The following STK32A variants were observed in gnomAD, a reference collection of about 807,000 sequenced individuals.
The protein encoded by STK32A is serine/threonine-protein kinase 32A.
A neutral mutation model predicts 53.2 loss-of-function variants in STK32A; 41 were observed. The observed-to-expected ratio is 0.77, with a 90% confidence interval of 0.60 to 1.00. The LOEUF is 1.00. Among genes scored for constraint, STK32A ranks in the 50% least tolerant of loss-of-function variants. The pLI, the probability that STK32A is intolerant of heterozygous loss-of-function variation, is 0.00. For synonymous variants in STK32A, 166 were observed against 162.8 expected, an observed-to-expected ratio of 1.02 and a Z score of -0.15; for missense variants, 458 against 485.8, an observed-to-expected ratio of 0.94 and a Z score of 0.54.
intron 9 of STK32A, among the ~76,000 whole-genome samples, chr5:147,372,059 T>C (rs745956667): frequency 1.8e-4 from 28 of 152,246 alleles, no homozygotes; most frequent in Non-Finnish European, 3.5e-4. Flanking sequence ...GTCTGACATG[T>C]GTTACCATTG....
At chr5:147,381,893 G>T (rs1757467697) in intron 11 of STK32A, among the ~76,000 whole-genome samples, 1 of 152,072 alleles carries the variant, frequency 6.6e-6, no homozygotes, top group Admixed American at 6.6e-5. Context: ...TGGCTTCCCT[G>T]GGCCACGTTG....
intron 5 of STK32A, among the ~76,000 whole-genome samples, chr5:147,335,310 A>G (rs768566676): frequency 6.6e-6 from 1 of 152,120 alleles, no homozygotes; most frequent in South Asian, 2.1e-4. Flanking sequence ...CCAACAGAAA[A>G]CCTCATAATG....
chr5:147,287,708 T>G (rs190597872), intron 4 of STK32A, among the ~76,000 whole-genome samples: 51 of 152,236 alleles, frequency 3.4e-4, no homozygotes, highest in African/African-American at 1.2e-3. Flanking sequence ...CTAAAATGGA[T>G]GCAGCTCTTT....
intron 2 of STK32A, among the ~76,000 whole-genome samples, chr5:147,240,589 C>T (rs1317605586): frequency 1.3e-5 from 2 of 152,206 alleles, no homozygotes; most frequent in Non-Finnish European, 2.9e-5. Context: ...AGATAGGTTC[C>T]TTCCCACTCA....
At chr5:147,242,009 A>T (rs1448543030) in intron 2 of STK32A, among the ~76,000 whole-genome samples, 1 of 152,208 alleles carries the variant, frequency 6.6e-6, no homozygotes, top group East Asian at 1.9e-4. Flanking sequence ...TAACCAAAGA[A>T]TTGTGACAAT....
At chr5:147,331,253 A>T (rs563961912) in intron 5 of STK32A, among the ~76,000 whole-genome samples, 1 of 152,202 alleles carries the variant, frequency 6.6e-6, no homozygotes. Context: ...TTAATGACTT[A>T]ATAGGAGCTA....
chr5:147,399,023 G>A, the STK32A span: 1 of 1,583,220 alleles, frequency 6.3e-7, no homozygotes, highest in East Asian at 2.2e-5. Flanking sequence ...CATTTCTCCT[G>A]ACCAAGTTCC....
the STK32A span, among the ~76,000 whole-genome samples, chr5:147,399,448 C>T: frequency 6.6e-6 from 1 of 151,574 alleles, no homozygotes; most frequent in African/African-American, 2.4e-5. Context: ...GTAAAATGGT[C>T]AAACACATGG....
In STK32A at chr5:147,383,834, C is replaced by T. The variant is rs1008817666; in HGVS notation, c.1098-56C>T. 8 of 1,325,794 alleles carry T rather than the reference C, an allele frequency of 6.0e-6. No individual in the cohort carries two copies. The South Asian group carries it at 9.8e-5, about 16-fold the overall frequency. The allele number at this position is 1,325,794 out of a possible 1,614,324, so 82.1% of individuals were successfully genotyped here. A position where few individuals can be genotyped will look rare whatever the true frequency, so the allele number is the denominator to read the frequency against. On this transcript the variant is annotated intron_variant, in intron 12 of 12. Transcript: ENST00000397936. The stretch of plus-strand genomic sequence containing the variant: ...CTTAATATTATTTCAAAAGCTTAAA[C>T]CTTTCATTTTATTTTTCAAAGAATA...
At chr5:147,374,955 A>T (rs1010201862) in intron 10 of STK32A, 135 bp from the exon 11 acceptor site, 1 of 654,152 alleles carries the variant, frequency 1.5e-6, no homozygotes, top group African/African-American at 1.9e-5. Flanking sequence ...ATAACGTAAA[A>T]CTTAGAGTGG....
At chr5:147,393,581 C>T in the STK32A span, 1 of 165,810 alleles carries the variant, frequency 6.0e-6, no homozygotes, top group African/African-American at 2.4e-5. Context: ...CTGACCCACC[C>T]ACCTCCCTCC....
At position 147,373,208 on chromosome 5, in the gene STK32A, T is replaced by A. The variant is rs1320452271; in HGVS notation, c.817T>A (p.Ser273Thr). The A allele has an allele frequency of 1.2e-6, 2 of 1,613,512 alleles. No individual in the cohort carries two copies. Among genetic ancestry groups the A allele is most frequent in the Admixed American group, 3.3e-5 (2 of 59,986 alleles). ...TCCAGACCAACGATTTTCTCAGTTA[T>A]CTGATGTCCAGAACTTCCCGTATAT... is the stretch of plus-strand genomic sequence containing the variant. ...PNPDQRFSQL[S>T]DVQNFPYMND... The change falls in exon 10 of 13, where the codon TCT becomes ACT. Residue 273 changes from serine (S) to threonine (T), a missense_variant. Transcript: ENST00000397936.
chr5:147,373,067 T>G, intron 9 of STK32A, 102 bp from the exon 10 acceptor site: 1 of 1,416,786 alleles, frequency 7.1e-7, no homozygotes, highest in Non-Finnish European at 9.7e-7. Context: ...CTGTCTATTT[T>G]CCTTCAGTCC....
chr5:147,310,783 ATGT>A (rs1232998653), intron 4 of STK32A, among the ~76,000 whole-genome samples: 4 of 151,928 alleles, frequency 2.6e-5, no homozygotes, highest in African/African-American at 9.7e-5. Context: ...GGAGAGCAAA[ATGT>A]TGTTATTCCC....
At chr5:147,376,920 C>T (rs1019016452) in intron 11 of STK32A, among the ~76,000 whole-genome samples, 5 of 152,104 alleles carry the variant, frequency 3.3e-5, no homozygotes, top group Admixed American at 3.3e-4. Context: ...GCCAGCATTA[C>T]CCTGATACCA....
At chr5:147,367,446 T>C (rs1166306772) in intron 8 of STK32A, among the ~76,000 whole-genome samples, 1 of 152,168 alleles carries the variant, frequency 6.6e-6, no homozygotes, top group Non-Finnish European at 1.5e-5. Context: ...AAACAGGCTT[T>C]GTGTGAGCAA....
Position 147,384,308 on chromosome 5 carries a change from C to T in STK32A, c.*325C>T, listed in dbSNP as rs1757567317. On this transcript the variant is annotated 3_prime_UTR_variant, in exon 13 of 13. Coordinates refer to ENST00000397936, the MANE Select transcript of STK32A (RefSeq NM_001112724.2). ...TGCTATAGTTGTTATTCTAAACCGC[C>T]TTTATTTTTATTTTAAAATTAATAT... The T allele has an allele frequency of 2.1e-6, 3 of 1,414,178 alleles. No individual in the cohort carries two copies. The highest frequency in any genetic ancestry group is 2.8e-6 in the Non-Finnish European group (3 of 1,067,750). The allele number at this position is 1,414,178 out of a possible 1,614,324, so 87.6% of individuals were successfully genotyped here.
intron 2 of STK32A, among the ~76,000 whole-genome samples, chr5:147,242,125 A>T (rs1325898477): frequency 6.6e-6 from 1 of 152,190 alleles, no homozygotes; most frequent in Non-Finnish European, 1.5e-5. Flanking sequence ...AACACCCTCT[A>T]GGTCACCACC....
intron 4 of STK32A, among the ~76,000 whole-genome samples, chr5:147,298,238 G>A (rs553534419): frequency 6.6e-6 from 1 of 152,264 alleles, no homozygotes; most frequent in Admixed American, 6.5e-5. Flanking sequence ...AGGTGAAAGA[G>A]AAAACCTCCA....
Sources: allele counts gnomAD v4.1 joint callset (sites outside exome capture counted in the v4.1 genomes callset), GRCh38; gene constraint gnomAD v4.1.1; transcripts MANE v1.5; gene names NCBI Gene and HGNC (gene_info 2026-07-23, HGNC 2026-07-21).